Variants in PDE6C observed in about 807,000 individuals in gnomAD.
PDE6C encodes cone cGMP-specific 3',5'-cyclic phosphodiesterase subunit alpha'.
PDE6C carries 75 observed loss-of-function variants against 113.1 expected under a neutral mutation model. The ratio of observed to expected loss-of-function variants is 0.66; its 90% confidence interval spans 0.55 to 0.80. The LOEUF is 0.80. PDE6C is among the 30% of genes least tolerant of loss of function. The pLI, the probability that PDE6C is intolerant of heterozygous loss-of-function variation, is 0.00. For synonymous variants in PDE6C, 375 were observed against 363.7 expected (o/e 1.03, Z -0.35); for missense variants, 912 against 1,038.6 (o/e 0.88, Z 1.67).
intron 9 of PDE6C, 50 bp from the exon 10 acceptor site, chr10:93,635,447 C>T: frequency 5.2e-6 from 8 of 1,534,402 alleles, no homozygotes; most frequent in Non-Finnish European, 7.2e-6. Context: ...GCCTCCAAAC[C>T]AATTTTTCTT....
chr10:93,613,481 C>T (rs1176008576), intron 1 of PDE6C, among the ~76,000 whole-genome samples: 1 of 152,052 alleles, frequency 6.6e-6, no homozygotes, highest in Non-Finnish European at 1.5e-5. Flanking sequence ...TCAGGTGATC[C>T]TACCTGGCCC....
intron 16 of PDE6C, among the ~76,000 whole-genome samples, chr10:93,658,669 CCTCTCTCTCT>C (rs56029704): frequency 8.3e-5 from 12 of 143,720 alleles, no homozygotes; most frequent in African/African-American, 2.9e-4. Context: ...TTTGTTTTTC[CCTCTCTCTCT>C]CTCTCTCTCT....
intron 20 of PDE6C, 50 bp downstream of exon 20, chr10:93,662,693 A>G: frequency 1.1e-6 from 1 of 929,552 alleles, no homozygotes; most frequent in Non-Finnish European, 1.8e-6. Flanking sequence ...TGGATGAGAA[A>G]TTTTCTTTCA....
At chr10:93,662,037 A>G in intron 18 of PDE6C, 22 bp from the exon 19 acceptor site, 1 of 1,513,964 alleles carries the variant, frequency 6.6e-7, no homozygotes, top group Non-Finnish European at 9.2e-7. Context: ...GATTTAGTGA[A>G]CCAAGCCTTT....
At chr10:93,627,693 G>A (rs2058480801) in intron 7 of PDE6C, among the ~76,000 whole-genome samples, 1 of 152,130 alleles carries the variant, frequency 6.6e-6, no homozygotes, top group East Asian at 1.9e-4. Flanking sequence ...CTGATGAAAA[G>A]TTTAAAAAAG....
At chr10:93,663,283 CT>C in intron 21 of PDE6C, 105 bp downstream of exon 21, 1 of 1,128,608 alleles carries the variant, frequency 8.9e-7, no homozygotes, top group Non-Finnish European at 1.3e-6. Context: ...AGAAAACCTG[CT>C]TTACTGGTGC....
chr10:93,637,444 G>A (rs771309132), intron 11 of PDE6C, among the ~76,000 whole-genome samples: 15 of 151,876 alleles, frequency 9.9e-5, no homozygotes, highest in South Asian at 4.2e-4. Flanking sequence ...CACTGGCACC[G>A]CCTGCCATTT....
At chr10:93,657,980 GGGCAACATAGCAA>G (rs1310796444) in intron 16 of PDE6C, among the ~76,000 whole-genome samples, 16 of 151,838 alleles carry the variant, frequency 1.1e-4, no homozygotes, top group Non-Finnish European at 2.4e-4. Flanking sequence ...AGACCAGCCT[GGGCAACATAGCAA>G]GACTGTCTCT....
At chr10:93,659,324 A>C (rs1278085704) in intron 18 of PDE6C, among the ~76,000 whole-genome samples, 157 bp downstream of exon 18, 2 of 152,202 alleles carry the variant, frequency 1.3e-5, no homozygotes, top group Admixed American at 1.3e-4. Context: ...AGAATAAAGC[A>C]AATAGAAGGA....
intron 16 of PDE6C, among the ~76,000 whole-genome samples, chr10:93,658,187 A>C (rs868661869): frequency 7.0e-6 from 1 of 142,312 alleles, no homozygotes; most frequent in South Asian, 2.1e-4. Flanking sequence ...AAAAAAAAAA[A>C]AAAAAGAAAA....
At chr10:93,645,344 C>T (rs1200627176) in intron 14 of PDE6C, among the ~76,000 whole-genome samples, 1 of 152,200 alleles carries the variant, frequency 6.6e-6, no homozygotes, top group African/African-American at 2.4e-5. Context: ...TCTACTAAGG[C>T]TACCAGCCAT....
At chr10:93,618,415 C>T (rs1044079193) in intron 1 of PDE6C, among the ~76,000 whole-genome samples, 1 of 152,084 alleles carries the variant, frequency 6.6e-6, no homozygotes, top group African/African-American at 2.4e-5. Flanking sequence ...AAGTAACACG[C>T]CCAGGACCAT....
chr10:93,648,221 A>C (rs904834783), intron 15 of PDE6C, among the ~76,000 whole-genome samples: 4 of 152,154 alleles, frequency 2.6e-5, no homozygotes, highest in African/African-American at 9.7e-5. Flanking sequence ...TTTGATGGCT[A>C]TATAAAGACT....
intron 8 of PDE6C, among the ~76,000 whole-genome samples, chr10:93,631,781 A>G (rs866049878): frequency 6.6e-6 from 1 of 152,200 alleles, no homozygotes; most frequent in African/African-American, 2.4e-5. Flanking sequence ...TAGACAAGCC[A>G]ATGATATAAA....
intron 11 of PDE6C, among the ~76,000 whole-genome samples, chr10:93,638,834 A>T (rs1297588165): frequency 6.6e-6 from 1 of 152,182 alleles, no homozygotes; most frequent in Non-Finnish European, 1.5e-5. Flanking sequence ...GTGTAGCAAC[A>T]GTTCTGTGCA....
At chr10:93,657,053 GA>G (rs1210147627) in intron 16 of PDE6C, among the ~76,000 whole-genome samples, 2 of 152,104 alleles carry the variant, frequency 1.3e-5, no homozygotes, top group Non-Finnish European at 2.9e-5. Context: ...ACTCCACTAT[GA>G]AAAATCCCTT....
chr10:93,655,801 AAC>A lies in PDE6C; in HGVS notation c.1979_1980del (p.Thr660SerfsTer13). ...AGAACCTAAATAAGCGGCAGTTTGA[AAC>A]AGTTATTCATTTGTTCGAGGTCGCA... The part of the protein sequence containing the change: ...FQNLNKRQFE[T>X]VIHLFEVAII... On this transcript the variant is annotated frameshift_variant, in exon 16 of 22. Transcript: ENST00000371447. LOFTEE classifies it high-confidence loss of function. 1 of 1,610,376 alleles carries A rather than the reference AAC, an allele frequency of 6.2e-7. No homozygotes were observed. Among genetic ancestry groups the A allele is most frequent in the Non-Finnish European group, 8.5e-7 (1 of 1,176,666 alleles).
At chr10:93,637,316 G>A (rs1358874964) in intron 11 of PDE6C, among the ~76,000 whole-genome samples, 1 of 152,034 alleles carries the variant, frequency 6.6e-6, no homozygotes, top group Non-Finnish European at 1.5e-5. Flanking sequence ...CTGCTTAGGG[G>A]ACTTCAGGCA....
At chr10:93,621,887 A>C in intron 3 of PDE6C, 45 bp from the exon 4 acceptor site, 1 of 1,569,994 alleles carries the variant, frequency 6.4e-7, no homozygotes, top group Non-Finnish European at 8.7e-7. Context: ...ATCTCTCCAT[A>C]GCATACTTTA....
Sources: allele counts gnomAD v4.1 joint callset (sites outside exome capture counted in the v4.1 genomes callset), GRCh38; gene constraint gnomAD v4.1.1; transcripts MANE v1.5; gene names NCBI Gene and HGNC (gene_info 2026-07-23, HGNC 2026-07-21).